The following TULP4 variants were observed in gnomAD, a reference collection of about 807,000 sequenced individuals.
TULP4 encodes tubby-related protein 4.
TULP4 carries 16 observed loss-of-function variants against 129.0 expected under a neutral mutation model. The observed-to-expected ratio is 0.12, with a 90% CI of 0.08 to 0.19. TULP4 has a LOEUF of 0.19. Ranked by LOEUF, TULP4 falls within the 10% of genes least tolerant of loss-of-function variation. The probability of loss-of-function intolerance (pLI) is 1.00; values close to 1 mark genes in which losing one functional copy is unlikely to be tolerated. For missense variants in TULP4, 1,842 were observed against 2,059.1 expected (o/e 0.89, Z 2.04); for synonymous variants, 998 against 854.0 (o/e 1.17, Z -2.94).
intron 1 of TULP4, among the ~76,000 whole-genome samples, chr6:158,316,435 T>C (rs1166590083): frequency 6.6e-6 from 1 of 152,232 alleles, no homozygotes; most frequent in East Asian, 1.9e-4. Context: ...TTCCACTGAG[T>C]TTAATTTATG....
chr6:158,481,187 C>A lies in TULP4; in HGVS notation c.1384C>A (p.Leu462Met). The change falls in exon 8 of 14, where the codon CTG becomes ATG. Residue 462 changes from leucine to methionine, a missense_variant. Coordinates refer to ENST00000367097, the MANE Select transcript of TULP4 (RefSeq NM_020245.5). ...GGGCGGCCCGTGCTACACGCTCTAC[C>A]TGGAGTACCTGGGCGGGCTTGTGCC... ...EVGGPCYTLY[L>M]EYLGGLVPIL... 1 of 1,614,254 alleles carries A rather than the reference C, an allele frequency of 6.2e-7. No individual in the cohort carries two copies. The highest frequency in any genetic ancestry group is 8.5e-7 in the Non-Finnish European group (1 of 1,180,046).
At position 158,501,889 on chromosome 6, in the gene TULP4, C is replaced by T; in HGVS notation, c.2226C>T (p.Thr742=). 1 of 1,614,126 alleles carries T rather than the reference C, an allele frequency of 6.2e-7. No homozygotes were observed. Residue 742 remains threonine (T), a synonymous_variant, in exon 13 of 14, where the codon ACC becomes ACT. Transcript: ENST00000367097. ...GTAEHAGDSA[T]QYPVSNRYSN... ...CAGAACATGCAGGTGACAGTGCCAC[C>T]CAGTACCCAGTCTCCAACCGGTACT...
chr6:158,455,027 T>C (rs1779261376), intron 5 of TULP4, among the ~76,000 whole-genome samples: 1 of 152,162 alleles, frequency 6.6e-6, no homozygotes. Context: ...TCCTTGAGTT[T>C]TCTTCTAAAA....
At chr6:158,477,116 G>A (rs1472002901) in intron 6 of TULP4, among the ~76,000 whole-genome samples, 1 of 152,148 alleles carries the variant, frequency 6.6e-6, no homozygotes, top group East Asian at 1.9e-4. Context: ...GTCAGGATGG[G>A]TGGTAATTAT....
intron 1 of TULP4, among the ~76,000 whole-genome samples, chr6:158,276,565 G>A (rs1778650432): frequency 6.6e-6 from 1 of 151,884 alleles, no homozygotes; most frequent in Non-Finnish European, 1.5e-5. Flanking sequence ...GTTGACAATG[G>A]AATGGTAAAC....
chr6:158,289,462 A>C (rs554120986), intron 1 of TULP4, among the ~76,000 whole-genome samples: 1 of 152,008 alleles, frequency 6.6e-6, no homozygotes, highest in South Asian at 2.1e-4. Flanking sequence ...GTACTTTTCT[A>C]ACTTCTTTAA....
At position 158,505,859 on chromosome 6, in the gene TULP4, TC is replaced by T. The variant is rs1430663485; in HGVS notation, c.4516-718del. ...ATTTGGCCTGTAGCATTCACCCCAT[TC>T]TTTTTTTTTTTTCTTTTTTCTTTTA... On this transcript the variant is annotated intron_variant, in intron 13 of 13. Transcript: ENST00000367097. Among the ~76,000 whole-genome samples, 8 of 151,894 alleles carry T rather than the reference TC, an allele frequency of 5.3e-5. No homozygotes were observed. The East Asian group carries it at 1.4e-3, about 26-fold the overall frequency.
chr6:158,437,760 G>GT (rs1368856285), intron 3 of TULP4: 3 of 151,994 alleles, frequency 2.0e-5, no homozygotes, highest in Non-Finnish European at 4.4e-5. Flanking sequence ...AGGAGATTTC[G>GT]TAACTCCCCA....
chr6:158,295,757 G>C (rs1779018187), intron 1 of TULP4, among the ~76,000 whole-genome samples: 1 of 152,218 alleles, frequency 6.6e-6, no homozygotes, highest in Non-Finnish European at 1.5e-5. Context: ...CGGGCCTGGT[G>C]GCGGATGCCT....
intron 1 of TULP4, among the ~76,000 whole-genome samples, chr6:158,343,676 GAAAT>G (rs899445659): frequency 2.0e-5 from 3 of 152,140 alleles, no homozygotes; most frequent in Admixed American, 6.5e-5. Context: ...AGGACTGTGG[GAAAT>G]AAATTTCTGT....
chr6:158,466,378 G>A lies in TULP4; in HGVS notation c.1026+4649G>A, dbSNP rs1779554572. On this transcript the variant is annotated intron_variant, in intron 6 of 13. Coordinates refer to ENST00000367097, the MANE Select transcript of TULP4 (RefSeq NM_020245.5). Reference sequence around the variant, plus strand: ...TCCTTGCCAACATTGTCATTTTTCTGGGATTTTTTTTGGACTAACCATCCT... The same window carrying A: ...TCCTTGCCAACATTGTCATTTTTCTAGGATTTTTTTTGGACTAACCATCCT... Among the ~76,000 whole-genome samples, 3 of 152,168 alleles carry A rather than the reference G, an allele frequency of 2.0e-5. No homozygotes were observed. The South Asian group carries it at 6.2e-4, about 32-fold the overall frequency.
intron 3 of TULP4, among the ~76,000 whole-genome samples, chr6:158,441,309 A>G (rs1778892791): frequency 6.6e-6 from 1 of 152,186 alleles, no homozygotes; most frequent in Non-Finnish European, 1.5e-5. Context: ...GTGAAACTCT[A>G]TCTAAAAAAA....
At chr6:158,236,464 T>C (rs767093460) in intron 1 of TULP4, among the ~76,000 whole-genome samples, 4 of 152,230 alleles carry the variant, frequency 2.6e-5, no homozygotes, top group Admixed American at 2.0e-4. Flanking sequence ...CTATTTATCA[T>C]GGAATTCTTT....
chr6:158,511,123 A>G lies in TULP4; in HGVS notation c.*4429A>G, dbSNP rs549939832. 5 of 152,682 alleles carry G rather than the reference A, an allele frequency of 3.3e-5. No individual in the cohort carries two copies. The highest frequency in any genetic ancestry group is 1.2e-4 in the African/African-American group (5 of 41,536). The allele number at this position is 152,682 out of a possible 1,614,324, so 9.5% of individuals were successfully genotyped here. The stretch of plus-strand genomic sequence containing the variant: ...GTTTCCATTTTCTTTGGCTTTGTGC[A>G]ATTTTTGTGTAACTTTACTTGTACC... On this transcript the variant is annotated 3_prime_UTR_variant, in exon 14 of 14. Transcript: ENST00000367097.
chr6:158,301,213 C>A (rs186286089), intron 1 of TULP4, among the ~76,000 whole-genome samples: 1 of 152,274 alleles, frequency 6.6e-6, no homozygotes, highest in East Asian at 1.9e-4. Context: ...GCAATAATTA[C>A]AGCAATTAAC....
At position 158,502,028 on chromosome 6, in the gene TULP4, G is replaced by A. The variant is rs778651745; in HGVS notation, c.2365G>A (p.Gly789Ser). The stretch of plus-strand genomic sequence containing the variant: ...GGGGCCCATGCAGCTGTCCACGGTG[G>A]GCCATGGAGACCGAGACCACGAACA... Reference protein sequence around the residue: ...PQGPMQLSTVGHGDRDHEHLQ... With the variant: ...PQGPMQLSTVSHGDRDHEHLQ... The change falls in exon 13 of 14, where the codon GGC becomes AGC. Residue 789 changes from glycine to serine, a missense_variant. Gly to Ser is a moderately conservative substitution (Grantham distance 56, BLOSUM62 0). This residue lies in a region of TULP4 where 1,089 missense variants were observed against 987.1 expected (regional missense o/e 1.10). Coordinates refer to ENST00000367097, the MANE Select transcript of TULP4 (RefSeq NM_020245.5). 1 of 1,613,752 alleles carries A rather than the reference G, an allele frequency of 6.2e-7. No homozygotes were observed.
intron 1 of TULP4, among the ~76,000 whole-genome samples, chr6:158,338,244 T>C (rs2114742099): frequency 6.6e-6 from 1 of 152,286 alleles, no homozygotes; most frequent in Non-Finnish European, 1.5e-5. Flanking sequence ...CCTCAAGTAA[T>C]CCTCTTCCAA....
In TULP4 at chr6:158,238,014, G is replaced by C; in HGVS notation, n.68+5711G>C. On this transcript the variant is annotated intron_variant and non_coding_transcript_variant, in intron 1 of 1. Coordinates refer to the TULP4 transcript ENST00000620026. ...TCAAGGACAAATGAGCAGGAGATTT[G>C]AGCTGATGGTTTTGATACCACCAGA... The C allele has an allele frequency of 5.6e-6, 4 of 713,374 alleles. No individual in the cohort carries two copies. In the South Asian group the frequency reaches 5.7e-5, roughly 10 times the overall value. The allele number at this position is 713,374 out of a possible 1,614,324, so 44.2% of individuals were successfully genotyped here. A position where few individuals can be genotyped will look rare whatever the true frequency, so the allele number is the denominator to read the frequency against.
chr6:158,350,404 G>A (rs987829543), intron 1 of TULP4, among the ~76,000 whole-genome samples: 4 of 152,306 alleles, frequency 2.6e-5, no homozygotes, highest in East Asian at 3.9e-4. Flanking sequence ...GTAGCAAGCC[G>A]AGATCACGCC....
Sources: allele counts gnomAD v4.1 joint callset (sites outside exome capture counted in the v4.1 genomes callset), GRCh38; gene constraint gnomAD v4.1.1; regional missense constraint gnomAD v4.1.1; transcripts MANE v1.5; gene names NCBI Gene and HGNC (gene_info 2026-07-23, HGNC 2026-07-21).